AVIL: variants seen among roughly 807,000 people sequenced by gnomAD.
AVIL encodes the protein advillin.
Under a neutral mutation model 109.9 loss-of-function variants are expected in AVIL, and 78 were observed. The observed-to-expected ratio is 0.71, with a 90% CI of 0.59 to 0.86. The LOEUF is 0.86. AVIL is among the 40% of genes least tolerant of loss of function. AVIL has a pLI of 0.00. For missense variants in AVIL, 892 were observed against 1,016.5 expected (o/e 0.88, Z 1.67); for synonymous variants, 367 against 379.1 (o/e 0.97, Z 0.37).
At position 57,797,803 on chromosome 12, in the gene AVIL, T is replaced by C. The variant is rs1955765753; in HGVS notation, c.*79A>G. 8.8e-7 allele frequency: 1 copy of C among 1,141,254 alleles called. No individual in the cohort carries two copies. Among genetic ancestry groups the C allele is most frequent in the African/African-American group, 1.6e-5 (1 of 63,194 alleles). The allele number at this position is 1,141,254 out of a possible 1,614,324, so 70.7% of individuals were successfully genotyped here. On this transcript the variant is annotated 3_prime_UTR_variant, in exon 20 of 20. Coordinates refer to ENST00000549994, the MANE Select transcript of AVIL (RefSeq NM_006576.4). ...TAAGTAGCTGAATGTCAGGCAGAAA[T>C]TGGTGGATAAATTATTTCCTGATAT...
At chr12:57,799,049 T>C (rs1955793638) in intron 19 of AVIL, among the ~76,000 whole-genome samples, 1 of 152,172 alleles carries the variant, frequency 6.6e-6, no homozygotes, top group Non-Finnish European at 1.5e-5. Context: ...CAAAGGTCCT[T>C]CCTTTTAAGG....
chr12:57,809,497 T>G, intron 9 of AVIL, 100 bp downstream of exon 9: 2 of 1,364,114 alleles, frequency 1.5e-6, no homozygotes, highest in Non-Finnish European at 1.0e-6. Context: ...GTAAGCACAA[T>G]GTTATATGCT....
In AVIL at chr12:57,810,472, T is replaced by C; in HGVS notation, c.638A>G (p.Glu213Gly). ...AKIGVIEGDK[E>G]AASPELMKVL... ...CTTCATCAGCTCTGGGCTGGCTGCC[T>C]CCTTGTCTCCCTCGATCACTCCTAT... The change falls in exon 7 of 20, where the codon GAG becomes GGG. Residue 213 changes from glutamate to glycine, a missense_variant. Physicochemically the swap from Glu to Gly is moderately conservative, Grantham distance 98. Coordinates refer to ENST00000549994, the MANE Select transcript of AVIL (RefSeq NM_006576.4). The C allele has an allele frequency of 6.2e-7, 1 of 1,614,204 alleles. No individual in the cohort carries two copies. The highest frequency in any genetic ancestry group is 2.2e-5 in the East Asian group (1 of 44,876).
In AVIL at chr12:57,816,026, A is replaced by G. The variant is rs747728528; in HGVS notation, c.15T>C (p.Ser5=). 1.7e-5 allele frequency: 28 copies of G among 1,613,856 alleles called. No homozygotes were observed. In the Admixed American group the frequency reaches 2.8e-4, roughly 16 times the overall value. ...GGTCGTTGTCCACAGCCCTGAAGGC[A>G]CTGGTCAGAGGCATGATGCTTGTCT... MPLT[S]AFRAVDNDPG... is the part of the protein sequence containing the mutation. The change falls in exon 2 of 20, where the codon AGT becomes AGC. Residue 5 remains serine, a synonymous_variant. Coordinates refer to ENST00000549994, the MANE Select transcript of AVIL (RefSeq NM_006576.4).
Position 57,814,171 on chromosome 12 carries a change from T to A in AVIL, c.122A>T (p.Asp41Val). Residue 41 changes from aspartate (D) to valine (V), a missense_variant, in exon 3 of 20, where the codon GAC becomes GTC. Coordinates refer to ENST00000549994, the MANE Select transcript of AVIL (RefSeq NM_006576.4). Reference sequence around the variant, plus strand: ...GCTCACCGAGAGGATGACGTAGCAGTCCCCCTCATAGAAGTTGCCGTGGGC... The same window carrying A: ...GCTCACCGAGAGGATGACGTAGCAGACCCCCTCATAGAAGTTGCCGTGGGC... ...VSAHGNFYEG[D>V]CYVILSTRRV... The A allele has an allele frequency of 1.9e-6, 3 of 1,612,770 alleles. No individual in the cohort carries two copies. The highest frequency in any genetic ancestry group is 2.5e-6 in the Non-Finnish European group (3 of 1,179,702).
At chr12:57,804,864 C>G (rs986316338) in intron 14 of AVIL, among the ~76,000 whole-genome samples, 35 of 151,878 alleles carry the variant, frequency 2.3e-4, no homozygotes, top group African/African-American at 8.2e-4. Context: ...AGAAGCTGTA[C>G]CATTTGCAAT....
At chr12:57,814,309 G>T in intron 2 of AVIL, 83 bp from the exon 3 acceptor site, 2 of 1,357,232 alleles carry the variant, frequency 1.5e-6, no homozygotes, top group South Asian at 2.5e-5. Flanking sequence ...CTGTCATTCG[G>T]TGCAGGTGGT....
At chr12:57,808,124 C>A in intron 11 of AVIL, 70 bp downstream of exon 11, 1 of 1,523,932 alleles carries the variant, frequency 6.6e-7, no homozygotes. Context: ...ATCACCTGCA[C>A]CCCTGCCCCC....
At chr12:57,813,596 C>T (rs1348923548) in intron 3 of AVIL, among the ~76,000 whole-genome samples, 173 bp from the exon 4 acceptor site, 1 of 152,210 alleles carries the variant, frequency 6.6e-6, no homozygotes, top group Non-Finnish European at 1.5e-5. Context: ...GCGATCATGG[C>T]ATAAACTTTG....
At chr12:57,807,203 C>T (rs1479210182) in intron 13 of AVIL, 128 bp downstream of exon 13, 12 of 1,383,440 alleles carry the variant, frequency 8.7e-6, no homozygotes, top group African/African-American at 1.4e-5. Flanking sequence ...GATTAACCCC[C>T]TTCTTCCTCT....
chr12:57,802,335 A>T lies in AVIL; in HGVS notation c.1976T>A (p.Ile659Asn), dbSNP rs143252193. The change falls in exon 17 of 20, where the codon ATT becomes AAT. Residue 659 changes from isoleucine (I) to asparagine (N), a missense_variant. Coordinates refer to ENST00000549994, the MANE Select transcript of AVIL (RefSeq NM_006576.4). Reference protein sequence around the residue: ...LDTWDQVFLWIGAEANATEKE... With the variant: ...LDTWDQVFLWNGAEANATEKE... Reference sequence around the variant, plus strand: ...CTCCGTGGCATTGGCCTCAGCCCCAATCCACAAGAACACCTGTTAAGGTGG... The same window carrying T: ...CTCCGTGGCATTGGCCTCAGCCCCATTCCACAAGAACACCTGTTAAGGTGG... The T allele has an allele frequency of 1.9e-6, 3 of 1,612,020 alleles. No homozygotes were observed. Among genetic ancestry groups the T allele is most frequent in the South Asian group, 2.2e-5 (2 of 90,646 alleles).
intron 19 of AVIL, among the ~76,000 whole-genome samples, chr12:57,799,419 T>C (rs1205067382): frequency 1.3e-5 from 2 of 152,216 alleles, no homozygotes; most frequent in Non-Finnish European, 2.9e-5. Context: ...TTAAATGTAG[T>C]GGGAAGCTAT....
At chr12:57,801,318 G>T in intron 17 of AVIL, 106 bp from the exon 18 acceptor site, 1 of 860,382 alleles carries the variant, frequency 1.2e-6, no homozygotes, top group South Asian at 1.6e-5. Flanking sequence ...CAGGGAGTCA[G>T]AAGACATTTC....
At position 57,810,378 on chromosome 12, in the gene AVIL, C is replaced by A. The variant is rs553704153; in HGVS notation, c.732G>T (p.Gln244His). 1,421 of 1,614,238 alleles carry A rather than the reference C, an allele frequency of 8.8e-4. 24 individuals are homozygous for A. In the South Asian group the frequency reaches 0.015, roughly 17 times the overall value. The change falls in exon 7 of 20, where the codon CAG becomes CAT. Residue 244 changes from glutamine (Q) to histidine (H), a missense_variant. Physicochemically the swap from Gln to His is conservative, Grantham distance 24. Transcript: ENST00000549994. ...KPTVPDEIID[Q>H]KQKSTIMLYH... ...ACAACATGATAGTTGATTTCTGCTT[C>A]TGATCTATGATCTCATCAGGGACTG...
chr12:57,807,717 A>G lies in AVIL; in HGVS notation c.1205T>C (p.Ile402Thr), dbSNP rs372232621. The G allele has an allele frequency of 4.3e-6, 7 of 1,613,846 alleles. No individual in the cohort carries two copies. The highest frequency in any genetic ancestry group is 1.7e-5 in the Admixed American group (1 of 60,008). The change falls in exon 12 of 20, where the codon ATT becomes ACT. Residue 402 changes from isoleucine to threonine, a missense_variant. By Grantham distance (89) the Ile-to-Thr change is moderately conservative (BLOSUM62 -1). Coordinates refer to ENST00000549994, the MANE Select transcript of AVIL (RefSeq NM_006576.4). ...DGNGKVEVWR[I>T]ENLELVPVEY... ...CACAGGGACCAGCTCCAGGTTCTCA[A>G]TTCTCCAGACCTGGGCATAGAAGGA...
intron 16 of AVIL, 23 bp from the exon 17 acceptor site, chr12:57,802,371 T>G (rs372150429): frequency 3.8e-6 from 6 of 1,587,960 alleles, no homozygotes; most frequent in Non-Finnish European, 5.1e-6. Flanking sequence ...AGATTTAATA[T>G]ATGTTACTGT....
Position 57,807,357 on chromosome 12 carries a change from A to G in AVIL, c.1465T>C (p.Phe489Leu). The part of the protein sequence containing the change: ...GTEPRHFMAI[F>L]KGKLVIFEGG... ...TCAAAGATAACTAGCTTCCCTTTGA[A>G]GATGGCCATGAAGTGGCGTGGCTCC... Residue 489 changes from phenylalanine (F) to leucine (L), a missense_variant, in exon 13 of 20, where the codon TTC (phenylalanine) becomes CTC (leucine). Transcript: ENST00000549994. 1 of 1,614,232 alleles carries G rather than the reference A, an allele frequency of 6.2e-7. No homozygotes were observed. Among genetic ancestry groups the G allele is most frequent in the Non-Finnish European group, 8.5e-7 (1 of 1,180,038 alleles).
At chr12:57,806,965 CT>C (rs1314119206) in intron 13 of AVIL, among the ~76,000 whole-genome samples, 1 of 152,094 alleles carries the variant, frequency 6.6e-6, no homozygotes, top group African/African-American at 2.4e-5. Flanking sequence ...AGAAGTGGGA[CT>C]TGAATTTGAA....
intron 2 of AVIL, 26 bp from the exon 3 acceptor site, chr12:57,814,252 G>A (rs1956074428): frequency 1.2e-6 from 2 of 1,600,516 alleles, no homozygotes; most frequent in South Asian, 2.2e-5. Context: ...GTGGGTATAG[G>A]CTACATCCCC....
Sources: allele counts gnomAD v4.1 joint callset (sites outside exome capture counted in the v4.1 genomes callset), GRCh38; gene constraint gnomAD v4.1.1; transcripts MANE v1.5; gene names NCBI Gene and HGNC (gene_info 2026-07-23, HGNC 2026-07-21).